Variants in FAT4 observed in about 807,000 individuals in gnomAD.
FAT4 encodes the protein FAT atypical cadherin 4, also known as protocadherin Fat 4.
A neutral mutation model predicts 303.9 loss-of-function variants in FAT4; 84 were observed. The ratio of observed to expected loss-of-function variants is 0.28; its 90% confidence interval spans 0.23 to 0.33. The LOEUF (loss-of-function observed/expected upper bound fraction) is 0.33. Ranked by LOEUF, FAT4 falls within the 10% of genes least tolerant of loss-of-function variation. The pLI is 1.00. For missense variants in FAT4, 6,005 were observed against 6,146.8 expected (o/e 0.98, Z 0.77); for synonymous variants, 2,307 against 2,298.8 (o/e 1.00, Z -0.10).
rs755958825 is a variant in FAT4 at position 125,449,802 on chromosome 4, A to G, written c.8792A>G (p.Asn2931Ser). Residue 2931 changes from asparagine to serine, a missense_variant, in exon 10 of 18, where the codon AAT becomes AGT. By Grantham distance (46) the Asn-to-Ser change is conservative. Coordinates refer to ENST00000394329, the MANE Select transcript of FAT4 (RefSeq NM_001291303.3). Reference protein sequence around the residue: ...RINATTGEIFNKQILKYQNVT... With the variant: ...RINATTGEIFSKQILKYQNVT... ...AATGCCACCACTGGAGAGATTTTCA[A>G]TAAACAGATCTTAAAATACCAAAAT... is the stretch of plus-strand genomic sequence containing the variant. The G allele has an allele frequency of 2.5e-6, 4 of 1,613,764 alleles. No homozygotes were observed. In the African/African-American group the frequency reaches 4.0e-5, roughly 16 times the overall value.
chr4:125,349,343 TCA>T (rs1362057028), intron 2 of FAT4, among the ~76,000 whole-genome samples: 1 of 151,758 alleles, frequency 6.6e-6, no homozygotes, highest in African/African-American at 2.4e-5. Context: ...TACACCAGTA[TCA>T]CATGAGGGTA....
intron 2 of FAT4, among the ~76,000 whole-genome samples, chr4:125,321,790 T>C (rs1730964392): frequency 6.6e-6 from 1 of 152,242 alleles, no homozygotes; most frequent in African/African-American, 2.4e-5. Context: ...CAACAAACTT[T>C]CTTTTCACTT....
In FAT4 at chr4:125,491,550, C is replaced by T; in HGVS notation, c.14734C>T (p.Pro4912Ser). 2 of 1,614,180 alleles carry T rather than the reference C, an allele frequency of 1.2e-6. No homozygotes were observed. The highest frequency in any genetic ancestry group is 3.3e-5 in the Admixed American group (2 of 60,016). The change falls in exon 18 of 18, where the codon CCA becomes TCA. Residue 4912 changes from proline (P) to serine (S), a missense_variant. Pro to Ser is a moderately conservative substitution (Grantham distance 74). Transcript: ENST00000394329. ...GGPVGTQAAA[P>S]GTADNTLPMK... ...ACCTGTGGGCACCCAGGCAGCAGCA[C>T]CAGGCACTGCTGACAACACACTGCC... is the stretch of plus-strand genomic sequence containing the variant.
intron 7 of FAT4, among the ~76,000 whole-genome samples, chr4:125,432,340 A>G (rs1052791523): frequency 1.3e-5 from 2 of 152,226 alleles, no homozygotes; most frequent in African/African-American, 4.8e-5. Context: ...ACTTGAGCTT[A>G]CTCATATACC....
chr4:125,446,190 G>A (rs1725820381), intron 8 of FAT4, 103 bp from the exon 9 acceptor site: 3 of 949,604 alleles, frequency 3.2e-6, no homozygotes, highest in Non-Finnish European at 1.6e-6. Flanking sequence ...GATCTTTCTT[G>A]TAACGTTTTC....
rs1730581111 is a variant in FAT4 at position 125,316,275 on chromosome 4, G to A, written c.-12-125G>A. 4 of 1,198,606 alleles carry A rather than the reference G, an allele frequency of 3.3e-6. No individual in the cohort carries two copies. Among genetic ancestry groups the A allele is most frequent in the Non-Finnish European group, 3.5e-6 (3 of 863,590 alleles). 74.2% of individuals were successfully genotyped at this position (1,198,606 alleles called of 1,614,324 possible). A position where few individuals can be genotyped will look rare whatever the true frequency, so the allele number is the denominator to read the frequency against. ...TGCTACTTGCTTTTGCCGGACTGGA[G>A]GTTCTTTGAAATAGCAGAGGTCTCA... On this transcript the variant is annotated intron_variant, in intron 1 of 17. Transcript: ENST00000394329. This position sits in a 1 kb window ranked among gnomAD's most constrained non-coding sequence, Gnocchi z 5.7.
rs766427266 is a variant in FAT4 at position 125,407,015 on chromosome 4, C to T, written c.5443C>T (p.Arg1815Cys). ...ERRSKYSLLV[R>C]ADDGLQSSDM... ...CCGCTCCAAATATTCACTGCTAGTT[C>T]GTGCTGATGATGGTCTTCAGTCCTC... The change falls in exon 4 of 18, where the codon CGT (arginine) becomes TGT (cysteine). Residue 1815 changes from arginine to cysteine, a missense_variant. Arg to Cys is a radical substitution (Grantham distance 180). Transcript: ENST00000394329. The T allele has an allele frequency of 9.9e-6, 16 of 1,613,666 alleles. No individual in the cohort carries two copies. Among genetic ancestry groups the T allele is most frequent in the Middle Eastern group, 1.6e-4 (1 of 6,078 alleles).
At position 125,424,766 on chromosome 4, in the gene FAT4, A is replaced by C. The variant is rs147738802; in HGVS notation, c.7018+8144A>C. ...TAAACAATATAGTATATAGATTGGG[A>C]GTGTTATGAAACATGATGCGGTTAA... On this transcript the variant is annotated intron_variant, in intron 7 of 17. Transcript: ENST00000394329. Among the ~76,000 whole-genome samples, 362 of 152,304 alleles carry C rather than the reference A, an allele frequency of 2.4e-3. 3 individuals are homozygous for C. The highest frequency in any genetic ancestry group is 8.0e-3 in the Admixed American group (123 of 15,288).
At position 125,463,620 on chromosome 4, in the gene FAT4, G is replaced by A; in HGVS notation, c.11858G>A (p.Gly3953Asp). Residue 3953 changes from glycine to aspartate, a missense_variant, in exon 11 of 18, where the codon GGT (glycine) becomes GAT (aspartate). Coordinates refer to ENST00000394329, the MANE Select transcript of FAT4 (RefSeq NM_001291303.3). ...YCECNPCFNG[G>D]SCQSGVDSYY... ...GAATGCAACCCCTGCTTTAATGGTG[G>A]TTCCTGCCAAAGTGGTGTGGATTCT... 6.2e-7 allele frequency: 1 copy of A among 1,601,490 alleles called. No individual in the cohort carries two copies. The highest frequency in any genetic ancestry group is 8.5e-7 in the Non-Finnish European group (1 of 1,172,382).
chr4:125,385,596 A>G (rs906043705), intron 2 of FAT4, among the ~76,000 whole-genome samples: 2 of 152,174 alleles, frequency 1.3e-5, no homozygotes, highest in African/African-American at 4.8e-5. Flanking sequence ...TCATAGTTAT[A>G]TAGTCATAAA....
chr4:125,430,024 G>C (rs545067299), intron 7 of FAT4, among the ~76,000 whole-genome samples: 3 of 152,150 alleles, frequency 2.0e-5, no homozygotes, highest in African/African-American at 7.2e-5. Flanking sequence ...GGTGGGATGA[G>C]GGGGGAGGGA....
chr4:125,458,089 A>T (rs1051991288), intron 10 of FAT4, among the ~76,000 whole-genome samples: 2 of 152,016 alleles, frequency 1.3e-5, no homozygotes, highest in Non-Finnish European at 2.9e-5. Flanking sequence ...TAACATAATT[A>T]GTTCATAGTC....
At chr4:125,472,671 C>G (rs1451312156) in intron 12 of FAT4, among the ~76,000 whole-genome samples, 1 of 152,166 alleles carries the variant, frequency 6.6e-6, no homozygotes, top group Non-Finnish European at 1.5e-5. Context: ...TGACATTTCT[C>G]TCCTCCACTC....
At chr4:125,468,885 G>T in intron 12 of FAT4, 66 bp downstream of exon 12, 1 of 1,467,734 alleles carries the variant, frequency 6.8e-7, no homozygotes, top group Non-Finnish European at 9.2e-7. Context: ...ATGAATTGGG[G>T]TGCAAATCAT....
At chr4:125,340,726 A>C (rs1731759356) in intron 2 of FAT4, among the ~76,000 whole-genome samples, 1 of 152,180 alleles carries the variant, frequency 6.6e-6, no homozygotes, top group Admixed American at 6.5e-5. Context: ...GTTGTGTAGC[A>C]GTTGCGGTGG....
At position 125,421,162 on chromosome 4, in the gene FAT4, A is replaced by G. The variant is rs1003188780; in HGVS notation, c.7018+4540A>G. Reference sequence around the variant, plus strand: ...GGTCTCGAACCCCTGAGCACAGACAATCCATCTGCCTTGGCCTCCCAAAGT... The same window carrying G: ...GGTCTCGAACCCCTGAGCACAGACAGTCCATCTGCCTTGGCCTCCCAAAGT... On this transcript the variant is annotated intron_variant, in intron 7 of 17. Coordinates refer to ENST00000394329, the MANE Select transcript of FAT4 (RefSeq NM_001291303.3). 5.9e-5 allele frequency among the ~76,000 whole-genome samples: 9 copies of G among 152,134 alleles called. No homozygotes were observed. The East Asian group carries it at 7.7e-4, about 13-fold the overall frequency.
At position 125,479,757 on chromosome 4, in the gene FAT4, G is replaced by A; in HGVS notation, c.12496G>A (p.Gly4166Ser). The change falls in exon 15 of 18, where the codon GGC becomes AGC. Residue 4166 changes from glycine to serine, a missense_variant. Transcript: ENST00000394329. The stretch of plus-strand genomic sequence containing the variant: ...TTATTTTAGATGCCCTAGGCTGGAA[G>A]GCGCTTGTACTCGCAGCCCATGCCA... ...GILDQCPRLE[G>S]ACTRSPCQHG... 1 of 1,593,564 alleles carries A rather than the reference G, an allele frequency of 6.3e-7. No homozygotes were observed. Among genetic ancestry groups the A allele is most frequent in the Non-Finnish European group, 8.6e-7 (1 of 1,165,530 alleles).
rs769358708 is a variant in FAT4, at chr4:125,450,744, T to C, written c.9734T>C (p.Ile3245Thr). The stretch of plus-strand genomic sequence containing the variant: ...TCATCTGACAGTGACCTCTTTGTCA[T>C]TGACCCTAACACAGGAGTCATAACC... ...VQSSDSDLFV[I>T]DPNTGVITTQ... The change falls in exon 10 of 18, where the codon ATT becomes ACT. Residue 3245 changes from isoleucine (I) to threonine (T), a missense_variant. Transcript: ENST00000394329. 3.1e-6 allele frequency: 5 copies of C among 1,614,150 alleles called. No homozygotes were observed. The highest frequency in any genetic ancestry group is 1.1e-5 in the South Asian group (1 of 91,086).
chr4:125,474,811 A>G (rs1232798867), intron 12 of FAT4, among the ~76,000 whole-genome samples: 2 of 152,194 alleles, frequency 1.3e-5, no homozygotes, highest in East Asian at 1.9e-4. Context: ...GAAATTAATC[A>G]TTTTCATTCC....
Sources: gnomAD v4.1 joint callset for allele counts (sites outside exome capture counted in the v4.1 genomes callset) on GRCh38, gnomAD v4.1.1 for gene constraint, Gnocchi (gnomAD v3.1) non-coding constraint, MANE v1.5 for transcripts, NCBI Gene and HGNC (gene_info 2026-07-23, HGNC 2026-07-21) for gene names.